Variants in PPM1L observed in about 807,000 individuals in gnomAD.
PPM1L encodes the protein protein phosphatase, Mg2+/Mn2+ dependent 1L.
In PPM1L, 13 loss-of-function variants were observed where a neutral mutation model predicts 31.4. The observed-to-expected ratio is 0.41, with a 90% CI of 0.27 to 0.66. The LOEUF is 0.66. PPM1L is among the 30% of genes least tolerant of loss of function. PPM1L has a pLI of 0.29. For synonymous variants in PPM1L, 184 were observed against 175.4 expected (o/e 1.05, Z -0.39); for missense variants, 326 against 453.7 (o/e 0.72, Z 2.56).
rs58189599 is a variant in PPM1L at position 160,949,063 on chromosome 3, G to A, written c.400-12673G>A. On this transcript the variant is annotated intron_variant, in intron 1 of 3. Transcript: ENST00000498165. The stretch of plus-strand genomic sequence containing the variant: ...TATGGAGCAGGCCCCATGAATCTGC[G>A]TTTTTAAAGAAGGCAATCCCCTCTT... Among the ~76,000 whole-genome samples, 528 of 152,226 alleles carry A rather than the reference G, an allele frequency of 3.5e-3. 2 individuals carry two copies. The highest frequency in any genetic ancestry group is 0.012 in the African/African-American group (505 of 41,524).
intron 1 of PPM1L, among the ~76,000 whole-genome samples, chr3:160,818,922 G>GGTTCTAA (rs1713076755): frequency 6.6e-6 from 1 of 151,848 alleles, no homozygotes; most frequent in African/African-American, 2.4e-5. Context: ...ACTTGTGCAT[G>GGTTCTAA]GTTCTAACTT....
chr3:160,852,276 TTTC>T (rs1167493856), intron 1 of PPM1L, among the ~76,000 whole-genome samples: 1 of 152,190 alleles, frequency 6.6e-6, no homozygotes, highest in Non-Finnish European at 1.5e-5. Flanking sequence ...CAATTCAGTT[TTTC>T]TTGTGCTGTC....
intron 1 of PPM1L, among the ~76,000 whole-genome samples, chr3:160,827,534 A>G (rs993678801): frequency 7.9e-5 from 12 of 151,558 alleles, no homozygotes; most frequent in African/African-American, 2.9e-4. Flanking sequence ...AGAACTGGGG[A>G]AAACGTGTGC....
chr3:161,018,268 C>T (rs1442696517), intron 2 of PPM1L, among the ~76,000 whole-genome samples: 1 of 152,130 alleles, frequency 6.6e-6, no homozygotes, highest in East Asian at 1.9e-4. Flanking sequence ...AAGACCATAA[C>T]GCATCAATTT....
chr3:160,944,803 A>ATATATAATATATGT lies in PPM1L; in HGVS notation c.400-16926_400-16925insTATATGTTATATAA, dbSNP rs1715288581. On this transcript the variant is annotated intron_variant, in intron 1 of 3. Transcript: ENST00000498165. ...TTATATTATATATGTTATATATAACATATATAACATATATATGTTATATAT... is the reference window on the plus strand; with the variant it reads ...TTATATTATATATGTTATATATAACATATATAATATATGTTATATAACATATATATGTTATATAT... Among the ~76,000 whole-genome samples the ATATATAATATATGT allele has an allele frequency of 2.9e-4, 17 of 59,242 alleles. 4 individuals carry two copies. Among genetic ancestry groups the ATATATAATATATGT allele is most frequent in the East Asian group, 1.3e-3 (5 of 3,740 alleles). 38.9% of individuals were successfully genotyped at this position (59,242 alleles called of 152,430 possible).
intron 1 of PPM1L, among the ~76,000 whole-genome samples, chr3:160,771,659 T>C (rs559188822): frequency 6.7e-6 from 1 of 148,378 alleles, no homozygotes; most frequent in East Asian, 2.0e-4. Flanking sequence ...AGAATAAACA[T>C]GTGACTTTGG....
chr3:160,902,204 C>G (rs1409435689), intron 1 of PPM1L, among the ~76,000 whole-genome samples: 1 of 152,012 alleles, frequency 6.6e-6, no homozygotes, highest in Non-Finnish European at 1.5e-5. Context: ...ATTACAATGC[C>G]CACTTCTACA....
At chr3:160,890,618 A>G (rs1169224926) in intron 1 of PPM1L, among the ~76,000 whole-genome samples, 1 of 152,210 alleles carries the variant, frequency 6.6e-6, no homozygotes, top group Non-Finnish European at 1.5e-5. Context: ...ACAGAGTTAG[A>G]AAAAACTACT....
At chr3:160,843,928 A>G (rs1480154181) in intron 1 of PPM1L, among the ~76,000 whole-genome samples, 2 of 152,232 alleles carry the variant, frequency 1.3e-5, no homozygotes, top group Admixed American at 6.5e-5. Flanking sequence ...TGGTACATAT[A>G]CACCATGGAA....
At chr3:160,817,782 GA>G (rs1442998757) in intron 1 of PPM1L, among the ~76,000 whole-genome samples, 1 of 151,968 alleles carries the variant, frequency 6.6e-6, no homozygotes, top group Non-Finnish European at 1.5e-5. Flanking sequence ...TTGAGAAAGG[GA>G]ATTGGTTTGA....
chr3:161,008,171 C>A, intron 2 of PPM1L, among the ~76,000 whole-genome samples: 1 of 152,222 alleles, frequency 6.6e-6, no homozygotes, highest in South Asian at 2.1e-4. Context: ...TTTCCCTCCA[C>A]CTTTTTGTGT....
chr3:160,962,418 C>T (rs1172332901), intron 2 of PPM1L, among the ~76,000 whole-genome samples: 6 of 152,246 alleles, frequency 3.9e-5, no homozygotes, highest in Non-Finnish European at 7.4e-5. Flanking sequence ...TTAATGAAGT[C>T]ATGGACAGAA....
rs1214452965 is a variant in PPM1L, at chr3:160,910,240, C to CT, written c.400-51493dup. ...CCTTCCCCTTTCCTTTCCCCTTCCC[C>CT]TTTCCTTTCCCCTTCCCCTTTCCCC... is the stretch of plus-strand genomic sequence containing the variant. On this transcript the variant is annotated intron_variant, in intron 1 of 3. Coordinates refer to ENST00000498165, the MANE Select transcript of PPM1L (RefSeq NM_139245.4). 2.4e-4 allele frequency among the ~76,000 whole-genome samples: 13 copies of CT among 53,948 alleles called. 1 individual carries two copies. The highest frequency in any genetic ancestry group is 1.4e-3 in the Admixed American group (6 of 4,332). 35.4% of individuals were successfully genotyped at this position (53,948 alleles called of 152,430 possible).
chr3:160,798,417 G>T (rs1712323867), intron 1 of PPM1L, among the ~76,000 whole-genome samples: 1 of 152,068 alleles, frequency 6.6e-6, no homozygotes, highest in Non-Finnish European at 1.5e-5. Context: ...TAATGTAGCT[G>T]GTGACTTTAG....
chr3:160,792,725 G>A (rs1208968033), intron 1 of PPM1L, among the ~76,000 whole-genome samples: 3 of 152,144 alleles, frequency 2.0e-5, no homozygotes, highest in Admixed American at 6.6e-5. Flanking sequence ...TGACCAACTA[G>A]CTACAAATTC....
intron 1 of PPM1L, among the ~76,000 whole-genome samples, chr3:160,793,471 A>G (rs939278438): frequency 6.6e-6 from 1 of 152,134 alleles, no homozygotes; most frequent in Non-Finnish European, 1.5e-5. Flanking sequence ...CATGTGAGAG[A>G]TGACCTATGG....
chr3:160,786,153 CTCTCTGTGTG>C (rs1175732429), intron 1 of PPM1L, among the ~76,000 whole-genome samples: 1 of 74,204 alleles, frequency 1.3e-5, no homozygotes, highest in African/African-American at 1.1e-4. Context: ...CTCTCTCTCT[CTCTCTGTGTG>C]TGTGTGTGTG....
chr3:160,861,242 A>G (rs1046116207), intron 1 of PPM1L, among the ~76,000 whole-genome samples: 1 of 152,202 alleles, frequency 6.6e-6, no homozygotes, highest in Non-Finnish European at 1.5e-5. Context: ...GTATAGAGTA[A>G]GGATTATAAT....
In PPM1L at chr3:161,078,750, C is replaced by G. The variant is rs895062453; in HGVS notation, c.*9593C>G. ...AAGATGCATGGCGTGTCATTTGGGT[C>G]GCTTTGATGGGTGCTCGGGTAGAAT... On this transcript the variant is annotated 3_prime_UTR_variant, in exon 4 of 4. Transcript: ENST00000498165. The G allele has an allele frequency of 1.3e-5, 2 of 152,110 alleles. No homozygotes were observed. The highest frequency in any genetic ancestry group is 4.8e-5 in the African/African-American group (2 of 41,414). 9.4% of individuals were successfully genotyped at this position (152,110 alleles called of 1,614,324 possible). A position where few individuals can be genotyped will look rare whatever the true frequency, so the allele number is the denominator to read the frequency against.
Sources: gnomAD v4.1 joint callset for allele counts (sites outside exome capture counted in the v4.1 genomes callset) on GRCh38, gnomAD v4.1.1 for gene constraint, MANE v1.5 for transcripts, NCBI Gene and HGNC (gene_info 2026-07-23, HGNC 2026-07-21) for gene names.